The following IRX6 variants were observed in gnomAD, a reference collection of about 807,000 sequenced individuals.
The protein encoded by IRX6 is iroquois homeobox 6.
Under a neutral mutation model 47.7 loss-of-function variants are expected in IRX6, and 46 were observed. The observed-to-expected ratio is 0.96, with a 90% CI of 0.76 to 1.23. IRX6 has a LOEUF of 1.23. Among genes scored for constraint, IRX6 ranks in the 50% most tolerant of loss-of-function variants. The probability of loss-of-function intolerance (pLI) is 0.00; values close to 1 mark genes in which losing one functional copy is unlikely to be tolerated. For synonymous variants in IRX6, 265 were observed against 246.2 expected, an observed-to-expected ratio of 1.08 and a Z score of -0.72; for missense variants, 722 against 588.0, an observed-to-expected ratio of 1.23 and a Z score of -2.36.
At chr16:55,327,962 G>A (rs1440351045) in intron 4 of IRX6, 69 bp downstream of exon 4, 1 of 1,488,482 alleles carries the variant, frequency 6.7e-7, no homozygotes, top group Non-Finnish European at 9.0e-7. Context: ...TCTTTCAAAA[G>A]CTGCCCTGTA....
At chr16:55,327,504 C>A in intron 3 of IRX6, 82 bp from the exon 4 acceptor site, 1 of 1,574,524 alleles carries the variant, frequency 6.4e-7, no homozygotes, top group Non-Finnish European at 8.7e-7. Flanking sequence ...GGGAGCTGAA[C>A]CACACTTCCA....
intron 1 of IRX6, chr16:55,326,013 A>C: frequency 1.3e-5 from 4 of 310,794 alleles, no homozygotes; most frequent in African/African-American, 2.2e-5. Flanking sequence ...GGAGGAGGGT[A>C]GGGAAGGGAG....
At chr16:55,328,077 G>A (rs577078277) in intron 4 of IRX6, among the ~76,000 whole-genome samples, 184 bp downstream of exon 4, 145 of 152,084 alleles carry the variant, frequency 9.5e-4, no homozygotes, top group African/African-American at 3.2e-3. Context: ...CTACACAACC[G>A]GCTTCTTCTT....
At chr16:55,325,651 C>G (rs148923498) in intron 1 of IRX6, 1 of 153,142 alleles carries the variant, frequency 6.5e-6, no homozygotes, top group East Asian at 1.9e-4. Context: ...TCCATCTCAC[C>G]ATATTGTTGT....
Position 55,329,012 on chromosome 16 carries a change from G to T in IRX6, c.1034G>T (p.Cys345Phe). ...GSPRLTMHYP[C>F]LEKPRIWSLA... ...CCTAGGTTGACCATGCACTACCCAT[G>T]CTTGGAGAAACCGCGCATCTGGTCT... The change falls in exon 5 of 6, where the codon TGC (cysteine) becomes TTC (phenylalanine). Residue 345 changes from cysteine to phenylalanine, a missense_variant. Physicochemically the swap from Cys to Phe is radical, Grantham distance 205. Coordinates refer to ENST00000290552, the MANE Select transcript of IRX6 (RefSeq NM_024335.3). The T allele has an allele frequency of 6.2e-7, 1 of 1,613,890 alleles. No homozygotes were observed. The highest frequency in any genetic ancestry group is 8.5e-7 in the Non-Finnish European group (1 of 1,180,042).
At chr16:55,326,626 G>A (rs1186165617) in intron 2 of IRX6, 33 bp downstream of exon 2, 2 of 1,477,226 alleles carry the variant, frequency 1.4e-6, no homozygotes, top group Non-Finnish European at 9.0e-7. Flanking sequence ...AGGGGAGTGA[G>A]CAGTAGAGAC....
intron 5 of IRX6, 106 bp downstream of exon 5, chr16:55,329,417 C>A: frequency 1.4e-6 from 2 of 1,406,228 alleles, no homozygotes; most frequent in Non-Finnish European, 1.9e-6. Flanking sequence ...CCCAGGTCTC[C>A]CACAGAACTG....
In IRX6 at chr16:55,330,493, C is replaced by A. The variant is rs1250799498; in HGVS notation, c.*188C>A. Reference sequence around the variant, plus strand: ...AGCTGGGGTGGTGGGCCGACTTGAACCTTAGCAGTCCCCACGGGAGATGGC... The same window carrying A: ...AGCTGGGGTGGTGGGCCGACTTGAAACTTAGCAGTCCCCACGGGAGATGGC... On this transcript the variant is annotated 3_prime_UTR_variant, in exon 6 of 6. Transcript: ENST00000290552. 15 of 631,984 alleles carry A rather than the reference C, an allele frequency of 2.4e-5. No individual in the cohort carries two copies. The highest frequency in any genetic ancestry group is 4.0e-5 in the Non-Finnish European group (14 of 352,972). The allele number at this position is 631,984 out of a possible 1,614,324, so 39.1% of individuals were successfully genotyped here. A position where few individuals can be genotyped will look rare whatever the true frequency, so the allele number is the denominator to read the frequency against.
Position 55,330,612 on chromosome 16 carries a change from C to T in IRX6, c.*307C>T. Reference sequence around the variant, plus strand: ...TCTTCCTCCTGTGGATTCAGCAAGGCTTCCTCTCCTGCTCACCCCTGTCTC... The same window carrying T: ...TCTTCCTCCTGTGGATTCAGCAAGGTTTCCTCTCCTGCTCACCCCTGTCTC... On this transcript the variant is annotated 3_prime_UTR_variant, in exon 6 of 6. Coordinates refer to ENST00000290552, the MANE Select transcript of IRX6 (RefSeq NM_024335.3). 1 of 494,554 alleles carries T rather than the reference C, an allele frequency of 2.0e-6. No individual in the cohort carries two copies. Among genetic ancestry groups the T allele is most frequent in the Admixed American group, 3.5e-5 (1 of 28,744 alleles). The allele number at this position is 494,554 out of a possible 1,614,324, so 30.6% of individuals were successfully genotyped here. A position where few individuals can be genotyped will look rare whatever the true frequency, so the allele number is the denominator to read the frequency against.
intron 5 of IRX6, 140 bp from the exon 6 acceptor site, chr16:55,330,158 C>A: frequency 1.4e-6 from 1 of 737,350 alleles, no homozygotes; most frequent in Non-Finnish European, 2.4e-6. Context: ...ATTTACGCAA[C>A]GGATCCAAAC....
At chr16:55,330,238 G>A in intron 5 of IRX6, 60 bp from the exon 6 acceptor site, 1 of 1,551,478 alleles carries the variant, frequency 6.4e-7, no homozygotes, top group South Asian at 1.1e-5. Context: ...CTGACCCAGA[G>A]GTTTCCTAAG....
In IRX6 at chr16:55,330,494, C is replaced by A; in HGVS notation, c.*189C>A. ...GCTGGGGTGGTGGGCCGACTTGAAC[C>A]TTAGCAGTCCCCACGGGAGATGGCA... On this transcript the variant is annotated 3_prime_UTR_variant, in exon 6 of 6. Coordinates refer to ENST00000290552, the MANE Select transcript of IRX6 (RefSeq NM_024335.3). 3 of 632,126 alleles carry A rather than the reference C, an allele frequency of 4.7e-6. No homozygotes were observed. The highest frequency in any genetic ancestry group is 8.5e-6 in the Non-Finnish European group (3 of 353,022). 39.2% of individuals were successfully genotyped at this position (632,126 alleles called of 1,614,324 possible).
intron 1 of IRX6, chr16:55,325,990 T>G: frequency 7.6e-6 from 2 of 264,318 alleles, no homozygotes; most frequent in East Asian, 9.5e-5. Context: ...AGCTCCGCCT[T>G]TGCAGGATCC....
At chr16:55,328,469 AG>A (rs1960576649) in intron 4 of IRX6, among the ~76,000 whole-genome samples, 1 of 152,194 alleles carries the variant, frequency 6.6e-6, no homozygotes, top group East Asian at 1.9e-4. Flanking sequence ...TGCTCGCTAG[AG>A]GAGGAGTCCG....
chr16:55,329,356 C>A, intron 5 of IRX6, 45 bp downstream of exon 5: 1 of 1,542,640 alleles, frequency 6.5e-7, no homozygotes, highest in Non-Finnish European at 8.7e-7. Context: ...GCAAAAGACA[C>A]CCACCTACCG....
Position 55,324,910 on chromosome 16 carries a change from A to T in IRX6, c.-182A>T, listed in dbSNP as rs1960481641. ...GCCGGAGGGGCGCCTTCCGGAGCGCAGGGCTCGGCAGCCGGGCTGCCCTCG... is the reference window on the plus strand; with the variant it reads ...GCCGGAGGGGCGCCTTCCGGAGCGCTGGGCTCGGCAGCCGGGCTGCCCTCG... On this transcript the variant is annotated 5_prime_UTR_variant, in exon 1 of 6. Transcript: ENST00000290552. This position sits in a 1 kb window ranked among gnomAD's most constrained non-coding sequence, Gnocchi z 4.4. 9.6e-6 allele frequency: 6 copies of T among 626,132 alleles called. 1 individual carries two copies. In the South Asian group the frequency reaches 9.6e-5, roughly 10 times the overall value. The allele number at this position is 626,132 out of a possible 1,614,324, so 38.8% of individuals were successfully genotyped here. A position where few individuals can be genotyped will look rare whatever the true frequency, so the allele number is the denominator to read the frequency against.
chr16:55,327,664 G>C lies in IRX6; in HGVS notation c.492G>C (p.Trp164Cys). Residue 164 changes from tryptophan (W) to cysteine (C), a missense_variant, in exon 4 of 6, where the codon TGG becomes TGC. By Grantham distance (215) the Trp-to-Cys change is radical. Transcript: ENST00000290552. Reference protein sequence around the residue: ...TRETTSTLKAWLNEHRKNPYP... With the variant: ...TRETTSTLKACLNEHRKNPYP... ...AGACCACCAGTACACTCAAGGCCTG[G>C]CTCAACGAGCACCGCAAAAACCCCT... 6.2e-7 allele frequency: 1 copy of C among 1,612,376 alleles called. No individual in the cohort carries two copies.
chr16:55,325,923 A>T, intron 1 of IRX6: 1 of 180,724 alleles, frequency 5.5e-6, no homozygotes, highest in Non-Finnish European at 1.2e-5. Context: ...TCCACTCCCA[A>T]TCTATAGAAT....
At chr16:55,327,538 C>T in intron 3 of IRX6, 48 bp from the exon 4 acceptor site, 1 of 1,576,288 alleles carries the variant, frequency 6.3e-7, no homozygotes, top group Non-Finnish European at 8.6e-7. Flanking sequence ...CCTCTGCCTG[C>T]AGTTCCTTGT....
Sources: allele counts gnomAD v4.1 joint callset (sites outside exome capture counted in the v4.1 genomes callset), GRCh38; gene constraint gnomAD v4.1.1; non-coding constraint Gnocchi (gnomAD v3.1); transcripts MANE v1.5; gene names NCBI Gene and HGNC (gene_info 2026-07-23, HGNC 2026-07-21).